KDM6A: variants seen among roughly 807,000 people sequenced by gnomAD.
KDM6A encodes the protein lysine demethylase 6A.
Under a neutral mutation model 117.6 loss-of-function variants are expected in KDM6A, and 11 were observed. That is an observed-to-expected ratio of 0.09 (90% CI 0.06 to 0.15). KDM6A has a LOEUF of 0.15. KDM6A is among the 10% of genes least tolerant of loss of function. KDM6A has a pLI of 1.00. For synonymous variants in KDM6A, 384 were observed against 396.1 expected (o/e 0.97, Z 0.36); for missense variants, 799 against 1,077.3 (o/e 0.74, Z 3.62).
At chrX:44,876,827 T>C (rs2031615416) in intron 2 of KDM6A, among the ~76,000 whole-genome samples, 1 of 111,111 alleles carries the variant, frequency 9.0e-6, no homozygotes, top group South Asian at 3.7e-4. Context: ...GCATTAAATA[T>C]GTCTCTTACT....
chrX:45,083,278 A>AT (rs2148148829), intron 23 of KDM6A, among the ~76,000 whole-genome samples, 182 bp from the exon 24 acceptor site: 1 of 111,887 alleles, frequency 8.9e-6, no homozygotes, highest in Admixed American at 9.5e-5. Flanking sequence ...TTTTATGCCT[A>AT]TTTTTTGTTG....
chrX:45,042,217 G>A (rs1291187558), intron 8 of KDM6A, among the ~76,000 whole-genome samples: 1 of 93,198 alleles, frequency 1.1e-5, no homozygotes, highest in African/African-American at 4.3e-5. Flanking sequence ...GTCCAGCTTC[G>A]GCTCGGCATC....
chrX:44,882,908 A>G (rs1177806120), intron 2 of KDM6A, among the ~76,000 whole-genome samples: 3 of 111,492 alleles, frequency 2.7e-5, no homozygotes, highest in African/African-American at 9.8e-5. Context: ...TAAGTGTAAT[A>G]ATAAAGATAC....
chrX:45,088,234 T>A (rs1028733716), intron 25 of KDM6A, among the ~76,000 whole-genome samples: 8 of 112,533 alleles, frequency 7.1e-5, no homozygotes, highest in Admixed American at 2.8e-4. Context: ...AATAAGCCAA[T>A]CCTTATCCCT....
At chrX:45,089,708 G>A (rs1371632711) in intron 25 of KDM6A, 35 bp from the exon 26 acceptor site, 1 of 1,038,425 alleles carries the variant, frequency 9.6e-7, no homozygotes, top group Non-Finnish European at 1.3e-6. Context: ...TCTTAATGTA[G>A]TTGATCCATT....
chrX:44,883,649 C>T (rs1230824359), intron 2 of KDM6A, among the ~76,000 whole-genome samples: 1 of 110,753 alleles, frequency 9.0e-6, no homozygotes, highest in Non-Finnish European at 1.9e-5. Flanking sequence ...TCTGGGATTA[C>T]AAGCGTGAGC....
intron 3 of KDM6A, among the ~76,000 whole-genome samples, chrX:44,973,465 G>A (rs747870942): frequency 6.3e-5 from 7 of 111,613 alleles, no homozygotes; most frequent in African/African-American, 9.8e-5. Context: ...GAGACTTTGC[G>A]TATCAGAAAA....
At chrX:44,908,494 A>G (rs2034871982) in intron 2 of KDM6A, among the ~76,000 whole-genome samples, 1 of 111,763 alleles carries the variant, frequency 8.9e-6, no homozygotes. Context: ...GGGTGGGCTC[A>G]GCTGTGTTGT....
At chrX:45,084,459 A>T in intron 24 of KDM6A, among the ~76,000 whole-genome samples, 1 of 111,396 alleles carries the variant, frequency 9.0e-6, no homozygotes, top group East Asian at 2.8e-4. Context: ...TCTCTTTGCT[A>T]CTTGATGCAG....
chrX:44,914,342 T>C (rs1451843115), intron 2 of KDM6A, among the ~76,000 whole-genome samples: 1 of 111,996 alleles, frequency 8.9e-6, no homozygotes, highest in African/African-American at 3.3e-5. Flanking sequence ...GCATGTAAAG[T>C]GCACCGTACT....
At chrX:44,987,770 G>A (rs1434022645) in intron 4 of KDM6A, among the ~76,000 whole-genome samples, 1 of 111,882 alleles carries the variant, frequency 8.9e-6, no homozygotes, top group East Asian at 2.8e-4. Context: ...TTTCTGCTGA[G>A]AGATCAGCTG....
intron 4 of KDM6A, among the ~76,000 whole-genome samples, chrX:45,002,303 C>G (rs1338388122): frequency 9.0e-6 from 1 of 110,718 alleles, no homozygotes; most frequent in Non-Finnish European, 1.9e-5. Context: ...AATGTCTGAC[C>G]ATAAGGTAAA....
intron 2 of KDM6A, among the ~76,000 whole-genome samples, chrX:44,896,739 T>G (rs1444251863): frequency 9.1e-6 from 1 of 109,931 alleles, no homozygotes; most frequent in African/African-American, 3.3e-5. Context: ...CTGAAGAATA[T>G]TTTGCTGTGT....
intron 27 of KDM6A, 47 bp from the exon 28 acceptor site, chrX:45,107,363 A>G: frequency 8.7e-7 from 1 of 1,153,273 alleles, no homozygotes; most frequent in Non-Finnish European, 1.2e-6. Flanking sequence ...TGCTAAAAAT[A>G]TTCAATATTC....
intron 24 of KDM6A, among the ~76,000 whole-genome samples, chrX:45,084,720 G>A (rs2045573543): frequency 9.0e-6 from 1 of 110,648 alleles, no homozygotes; most frequent in East Asian, 2.8e-4. Context: ...TTAACTCCTG[G>A]GCTCAAGCAA....
intron 3 of KDM6A, among the ~76,000 whole-genome samples, chrX:44,964,888 C>A (rs919815916): frequency 8.9e-6 from 1 of 112,316 alleles, no homozygotes; most frequent in African/African-American, 3.2e-5. Flanking sequence ...GAAAGTCCTA[C>A]ATCTGAAAGT....
intron 2 of KDM6A, among the ~76,000 whole-genome samples, chrX:44,941,652 T>C (rs1333112614): frequency 9.2e-6 from 1 of 109,224 alleles, no homozygotes; most frequent in Non-Finnish European, 1.9e-5. Context: ...GGCTAATTTT[T>C]CTTGTATTTT....
chrX:44,874,064 G>A, intron 2 of KDM6A, 77 bp downstream of exon 2: 1 of 985,092 alleles, frequency 1.0e-6, no homozygotes, highest in Non-Finnish European at 1.4e-6. Flanking sequence ...CCGCGGCCGG[G>A]TCTGTGCTCA....
chrX:45,098,839 T>G (rs370602433), intron 27 of KDM6A, among the ~76,000 whole-genome samples: 8 of 111,944 alleles, frequency 7.1e-5, no homozygotes, highest in African/African-American at 2.6e-4. Flanking sequence ...TTCATTCAAC[T>G]ATGATGGTTT....
Sources: allele counts gnomAD v4.1 joint callset (sites outside exome capture counted in the v4.1 genomes callset), GRCh38; gene constraint gnomAD v4.1.1; transcripts MANE v1.5; gene names NCBI Gene and HGNC (gene_info 2026-07-23, HGNC 2026-07-21).